Variants in TBC1D5 observed in about 807,000 individuals in gnomAD.
The protein encoded by TBC1D5 is TBC1 domain family, member 5.
In TBC1D5, 75 loss-of-function variants were observed where a neutral mutation model predicts 100.3. The ratio of observed to expected loss-of-function variants is 0.75; its 90% CI spans 0.62 to 0.91. The LOEUF is 0.91. TBC1D5 is among the 40% of genes least tolerant of loss of function. The probability of loss-of-function intolerance (pLI) is 0.00; values close to 1 mark genes in which losing one functional copy is unlikely to be tolerated. For synonymous variants in TBC1D5, 323 were observed against 325.6 expected (o/e 0.99, Z 0.09); for missense variants, 910 against 942.4 (o/e 0.97, Z 0.45).
At chr3:17,505,017 A>G (rs868558633) in intron 3 of TBC1D5, among the ~76,000 whole-genome samples, 2 of 152,228 alleles carry the variant, frequency 1.3e-5, no homozygotes, top group Middle Eastern at 3.2e-3. Context: ...AATTATAGGA[A>G]GCAAAACGGA....
chr3:17,723,530 T>C (rs2075865582), intron 1 of TBC1D5, among the ~76,000 whole-genome samples: 1 of 152,200 alleles, frequency 6.6e-6, no homozygotes, highest in African/African-American at 2.4e-5. Context: ...ACAATAATTT[T>C]CTAAGAATAA....
In TBC1D5 at chr3:17,628,912, T is replaced by C. The variant is rs1410546731; in HGVS notation, c.-100-4999A>G. 3.9e-5 allele frequency among the ~76,000 whole-genome samples: 6 copies of C among 152,216 alleles called. No homozygotes were observed. The South Asian group carries it at 8.3e-4, about 21-fold the overall frequency. ...ATAGTGAACTCAGTGATAATAAATA[T>C]GTGCTGTGTCTGCCGCCTACATTTT... is the stretch of plus-strand genomic sequence containing the variant. On this transcript the variant is annotated intron_variant, in intron 1 of 21. Transcript: ENST00000253692.
Position 17,404,691 on chromosome 3 carries a change from TA to T in TBC1D5, c.441+2del, listed in dbSNP as rs2093724793. 1 of 1,596,422 alleles carries T rather than the reference TA, an allele frequency of 6.3e-7. No homozygotes were observed. Among genetic ancestry groups the T allele is most frequent in the Non-Finnish European group, 8.5e-7 (1 of 1,173,778 alleles). On this transcript the variant is annotated splice_donor_variant, in intron 7 of 21. Transcript: ENST00000253692. LOFTEE classifies it high-confidence loss of function. ...TTAAGACATGAACAAAGACGAACTT[TA>T]CCCCTTCATCCTGTGAAAGAGGATT...
intron 2 of TBC1D5, among the ~76,000 whole-genome samples, chr3:17,521,331 T>C (rs1396061398): frequency 6.6e-6 from 1 of 152,196 alleles, no homozygotes; most frequent in Non-Finnish European, 1.5e-5. Context: ...GCCTACTCAA[T>C]GTGAAGCCAA....
At chr3:17,381,535 T>G (rs907381798) in intron 9 of TBC1D5, among the ~76,000 whole-genome samples, 1 of 152,112 alleles carries the variant, frequency 6.6e-6, no homozygotes, top group African/African-American at 2.4e-5. Flanking sequence ...TTTAAGCTAA[T>G]GAACTAATGC....
intron 1 of TBC1D5, among the ~76,000 whole-genome samples, chr3:17,689,906 C>A (rs1031841507): frequency 4.6e-5 from 7 of 152,000 alleles, no homozygotes; most frequent in East Asian, 3.8e-4. Flanking sequence ...CCCCTCCCCC[C>A]CAAAAAATCA....
chr3:17,459,855 T>C (rs1433635995), intron 3 of TBC1D5, among the ~76,000 whole-genome samples: 2 of 152,214 alleles, frequency 1.3e-5, no homozygotes, highest in Non-Finnish European at 2.9e-5. Flanking sequence ...AACATAGGGT[T>C]TTCCTTGCAA....
At chr3:17,742,310 A>AGGC (rs1483635612), upstream of TBC1D5, among the ~76,000 whole-genome samples, 4 of 152,060 alleles carry the variant, frequency 2.6e-5, no homozygotes, top group African/African-American at 9.7e-5. Flanking sequence ...TCCCGTGAGA[A>AGGC]GGCGGCGGCG....
intron 3 of TBC1D5, among the ~76,000 whole-genome samples, chr3:17,453,531 G>T (rs964050043): frequency 6.6e-6 from 1 of 152,058 alleles, no homozygotes; most frequent in African/African-American, 2.4e-5. Flanking sequence ...ACAACTATAA[G>T]ACAATAAATT....
intron 1 of TBC1D5, among the ~76,000 whole-genome samples, chr3:17,709,548 G>A (rs2074506462): frequency 1.3e-5 from 2 of 151,968 alleles, no homozygotes; most frequent in East Asian, 3.9e-4. Flanking sequence ...CTCTCACTTG[G>A]ATAAGCAATC....
intron 1 of TBC1D5, among the ~76,000 whole-genome samples, chr3:17,628,944 C>G (rs962135914): frequency 1.3e-5 from 2 of 152,216 alleles, no homozygotes; most frequent in African/African-American, 4.8e-5. Flanking sequence ...TTTTCACTGA[C>G]AGCACACGGA....
chr3:17,443,065 A>G (rs530116538), intron 3 of TBC1D5, among the ~76,000 whole-genome samples: 4 of 152,342 alleles, frequency 2.6e-5, no homozygotes, highest in African/African-American at 9.6e-5. Flanking sequence ...ATTACTTGCT[A>G]TATCAAGAAC....
chr3:17,521,028 G>A (rs2096058277), intron 2 of TBC1D5, among the ~76,000 whole-genome samples: 1 of 152,104 alleles, frequency 6.6e-6, no homozygotes, highest in African/African-American at 2.4e-5. Flanking sequence ...ACAGAATCTT[G>A]TTTTTCAATT....
intron 2 of TBC1D5, among the ~76,000 whole-genome samples, chr3:17,612,163 G>A (rs2061717522): frequency 1.3e-5 from 2 of 151,856 alleles, no homozygotes; most frequent in Admixed American, 1.3e-4. Context: ...AGCTGGGTGT[G>A]GTGGTGTGTA....
intron 15 of TBC1D5, among the ~76,000 whole-genome samples, chr3:17,262,761 G>A (rs1446136563): frequency 6.6e-6 from 1 of 151,864 alleles, no homozygotes. Flanking sequence ...GATTACAGGC[G>A]TGAGCCACCA....
intron 1 of TBC1D5, among the ~76,000 whole-genome samples, chr3:17,713,239 C>T (rs1170631718): frequency 6.7e-6 from 1 of 148,574 alleles, no homozygotes. Flanking sequence ...TTTTTCTTTT[C>T]TTTTCTTTTT....
chr3:17,512,685 TATCC>T (rs1194453458), intron 2 of TBC1D5, among the ~76,000 whole-genome samples: 1 of 152,228 alleles, frequency 6.6e-6, no homozygotes, highest in Non-Finnish European at 1.5e-5. Context: ...GGAAAGGCCC[TATCC>T]TTCCTTTGTT....
intron 13 of TBC1D5, among the ~76,000 whole-genome samples, chr3:17,364,851 C>A (rs1389764272): frequency 6.6e-6 from 1 of 152,110 alleles, no homozygotes; most frequent in Admixed American, 6.6e-5. Context: ...AAATTAGTAA[C>A]AATGAACACT....
chr3:17,721,814 C>T (rs886182305), intron 1 of TBC1D5, among the ~76,000 whole-genome samples: 6 of 152,012 alleles, frequency 3.9e-5, no homozygotes, highest in Non-Finnish European at 5.9e-5. Flanking sequence ...GACCCCATCT[C>T]TACTAAAAAC....
Sources: allele counts gnomAD v4.1 joint callset (sites outside exome capture counted in the v4.1 genomes callset), GRCh38; gene constraint gnomAD v4.1.1; transcripts MANE v1.5; gene names NCBI Gene and HGNC (gene_info 2026-07-23, HGNC 2026-07-21).